Variants in CRYBG1 observed in about 807,000 individuals in gnomAD.
CRYBG1 encodes beta/gamma crystallin domain-containing protein 1.
Under a neutral mutation model 189.2 loss-of-function variants are expected in CRYBG1, and 139 were observed. The ratio of observed to expected loss-of-function variants is 0.73; its 90% confidence interval spans 0.64 to 0.85. The LOEUF is 0.85. Among genes scored for constraint, CRYBG1 ranks in the 40% least tolerant of loss-of-function variants. CRYBG1 has a pLI of 0.00. For synonymous variants in CRYBG1, 1,023 were observed against 1,017.1 expected (o/e 1.01, Z -0.11); for missense variants, 2,611 against 2,675.8 (o/e 0.98, Z 0.53).
chr6:106,398,418 T>G (rs1026744921), intron 1 of CRYBG1, among the ~76,000 whole-genome samples: 2 of 152,094 alleles, frequency 1.3e-5, no homozygotes, highest in East Asian at 1.9e-4. Context: ...TACTCCAGCC[T>G]GGATGACAGA....
chr6:106,509,411 A>T (rs558598172), intron 2 of CRYBG1, among the ~76,000 whole-genome samples: 27 of 152,320 alleles, frequency 1.8e-4, no homozygotes, highest in Non-Finnish European at 3.2e-4. Context: ...CATACTTCGA[A>T]TTCTTCCTAT....
At chr6:106,426,665 G>A (rs1228876855) in intron 1 of CRYBG1, among the ~76,000 whole-genome samples, 3 of 152,172 alleles carry the variant, frequency 2.0e-5, no homozygotes, top group Non-Finnish European at 1.5e-5. Context: ...TCCCCAGTGG[G>A]CAGAGTCTGC....
chr6:106,565,320 C>CACA (rs33968053), intron 21 of CRYBG1, among the ~76,000 whole-genome samples: 6 of 148,006 alleles, frequency 4.1e-5, no homozygotes, highest in Non-Finnish European at 5.9e-5. Context: ...GACTTCGTCT[C>CACA]AAAAAAAAAA....
chr6:106,534,600 C>A (rs1773957540), intron 8 of CRYBG1, among the ~76,000 whole-genome samples: 1 of 152,144 alleles, frequency 6.6e-6, no homozygotes, highest in East Asian at 1.9e-4. Context: ...TTCCAGGGCC[C>A]ATTCACTCTA....
intron 1 of CRYBG1, among the ~76,000 whole-genome samples, chr6:106,405,285 G>T (rs778431676): frequency 8.5e-5 from 13 of 152,322 alleles, no homozygotes; most frequent in Middle Eastern, 3.4e-3. Context: ...AAACTAGGCG[G>T]AGCCCACCGC....
chr6:106,512,713 C>G lies in CRYBG1; in HGVS notation c.1596C>G (p.Gly532=), dbSNP rs1193496451. 2 of 1,550,406 alleles carry G rather than the reference C, an allele frequency of 1.3e-6. No individual in the cohort carries two copies. The highest frequency in any genetic ancestry group is 1.7e-6 in the Non-Finnish European group (2 of 1,147,990). Residue 532 remains glycine, a synonymous_variant, in exon 3 of 22, where the codon GGC becomes GGG. Coordinates refer to ENST00000633556, the MANE Select transcript of CRYBG1 (RefSeq NM_001371242.2). Reference sequence around the variant, plus strand: ...CCGTGCCCGCCCCGCCCGCCAGCGGCCCCCGGGCTCCCGCCAAGGAGTCCC... The same window carrying G: ...CCGTGCCCGCCCCGCCCGCCAGCGGGCCCCGGGCTCCCGCCAAGGAGTCCC... The part of the protein sequence containing the change: ...LEAVPAPPAS[G]PRAPAKESPP...
chr6:106,447,026 G>T (rs1321413097), intron 1 of CRYBG1, among the ~76,000 whole-genome samples: 4 of 152,158 alleles, frequency 2.6e-5, no homozygotes, highest in African/African-American at 9.7e-5. Flanking sequence ...ACTTAACACT[G>T]AAACTTTCAC....
At chr6:106,406,992 C>G (rs1770839841) in intron 1 of CRYBG1, among the ~76,000 whole-genome samples, 1 of 152,114 alleles carries the variant, frequency 6.6e-6, no homozygotes, top group Admixed American at 6.5e-5. Context: ...GCAAAATAAC[C>G]AGCTAGCATT....
chr6:106,475,476 A>G (rs1331451426), intron 2 of CRYBG1, among the ~76,000 whole-genome samples: 1 of 152,176 alleles, frequency 6.6e-6, no homozygotes, highest in Non-Finnish European at 1.5e-5. Flanking sequence ...TCAGAGTTGG[A>G]TTGTCACAGG....
chr6:106,520,326 A>G lies in CRYBG1; in HGVS notation c.3118A>G (p.Ile1040Val). Residue 1040 changes from isoleucine (I) to valine (V), a missense_variant, in exon 4 of 22, where the codon ATT (isoleucine) becomes GTT (valine). Ile to Val is a conservative substitution (Grantham distance 29). Transcript: ENST00000633556. ...GCCAGCATCAGAGAAAACTCTGCCTATTCAGGCTCAAAGTCAGGGCAGCAG... is the reference window on the plus strand; with the variant it reads ...GCCAGCATCAGAGAAAACTCTGCCTGTTCAGGCTCAAAGTCAGGGCAGCAG... ...IPPASEKTLP[I>V]QAQSQGSRTP... 1 of 1,614,128 alleles carries G rather than the reference A, an allele frequency of 6.2e-7. No homozygotes were observed. Among genetic ancestry groups the G allele is most frequent in the Non-Finnish European group, 8.5e-7 (1 of 1,180,014 alleles).
chr6:106,392,725 A>G (rs1030748898), intron 1 of CRYBG1, among the ~76,000 whole-genome samples: 1 of 152,334 alleles, frequency 6.6e-6, no homozygotes. Flanking sequence ...TGCAAAGGAC[A>G]GCCGTGCTAA....
intron 20 of CRYBG1, among the ~76,000 whole-genome samples, chr6:106,562,094 G>A (rs1010263500): frequency 2.0e-5 from 3 of 151,934 alleles, no homozygotes; most frequent in Admixed American, 6.6e-5. Flanking sequence ...TTGACCGTTG[G>A]CTCCTGATTT....
At chr6:106,456,943 C>T (rs962560405) in intron 2 of CRYBG1, among the ~76,000 whole-genome samples, 1 of 152,122 alleles carries the variant, frequency 6.6e-6, no homozygotes, top group South Asian at 2.1e-4. Context: ...CACTGGGCAC[C>T]CACATTGTGT....
At chr6:106,391,604 G>GTA (rs575072553) in intron 1 of CRYBG1, among the ~76,000 whole-genome samples, 152 of 150,980 alleles carry the variant, frequency 1.0e-3, no homozygotes, top group Non-Finnish European at 1.8e-3. Context: ...TAGGCATTTT[G>GTA]TATATATATA....
Position 106,521,257 on chromosome 6 carries a change from A to G in CRYBG1, c.4049A>G (p.His1350Arg), listed in dbSNP as rs773950741. 6.2e-7 allele frequency: 1 copy of G among 1,614,010 alleles called. No individual in the cohort carries two copies. Among genetic ancestry groups the G allele is most frequent in the Non-Finnish European group, 8.5e-7 (1 of 1,179,986 alleles). The stretch of plus-strand genomic sequence containing the variant: ...GATCTGGATTCACGAAGCAACCTAC[A>G]CTTGCCAGAAACTAAATTTTCTGAA... ...KEDLDSRSNL[H>R]LPETKFSELS... is the part of the protein sequence containing the mutation. Residue 1350 changes from histidine (H) to arginine (R), a missense_variant, in exon 4 of 22, where the codon CAC becomes CGC. This residue lies in a region of CRYBG1 where 1,622 missense variants were observed against 1,735.0 expected (regional missense o/e 0.93). Transcript: ENST00000633556.
chr6:106,489,787 C>CAAAAAAAAAAA (rs10593320), intron 2 of CRYBG1, among the ~76,000 whole-genome samples: 10 of 81,646 alleles, frequency 1.2e-4, no homozygotes, highest in Admixed American at 2.7e-4. Flanking sequence ...ACTCTGTGTC[C>CAAAAAAAAAAA]AAAAAAAAAA....
chr6:106,363,222 C>A (rs1446698764), intron 1 of CRYBG1, among the ~76,000 whole-genome samples: 1 of 124,950 alleles, frequency 8.0e-6, no homozygotes, highest in African/African-American at 3.2e-5. Context: ...CCAGCCTGGG[C>A]GACAGAGCGA....
chr6:106,568,587 T>C lies in CRYBG1; in HGVS notation c.*21T>C. 1 of 1,558,972 alleles carries C rather than the reference T, an allele frequency of 6.4e-7. No homozygotes were observed. Among genetic ancestry groups the C allele is most frequent in the Non-Finnish European group, 8.8e-7 (1 of 1,131,362 alleles). On this transcript the variant is annotated 3_prime_UTR_variant, in exon 22 of 22. Coordinates refer to ENST00000633556, the MANE Select transcript of CRYBG1 (RefSeq NM_001371242.2). ...CCTGAACAAAGAAGGAAGAAGAATC[T>C]TCTGGAGGTCCTTCCAGCCACCTTA...
chr6:106,551,349 C>T (rs931630733), intron 13 of CRYBG1, among the ~76,000 whole-genome samples: 4 of 152,172 alleles, frequency 2.6e-5, no homozygotes, highest in African/African-American at 9.7e-5. Flanking sequence ...TGATTTCATT[C>T]TTTTTTATGG....
Sources: gnomAD v4.1 joint callset for allele counts (sites outside exome capture counted in the v4.1 genomes callset) on GRCh38, gnomAD v4.1.1 for gene constraint, gnomAD v4.1.1 regional missense constraint, MANE v1.5 for transcripts, NCBI Gene and HGNC (gene_info 2026-07-23, HGNC 2026-07-21) for gene names.